The following CDH3 variants were observed in gnomAD, a reference collection of about 807,000 sequenced individuals.
CDH3 encodes cadherin 3, also known as cadherin-3.
A neutral mutation model predicts 82.0 loss-of-function variants in CDH3; 54 were observed. The ratio of observed to expected loss-of-function variants is 0.66; its 90% CI spans 0.53 to 0.83. The LOEUF (loss-of-function observed/expected upper bound fraction) is 0.83. Ranked by LOEUF, CDH3 falls within the 40% of genes least tolerant of loss-of-function variation. The probability of loss-of-function intolerance (pLI) is 0.00; values close to 1 mark genes in which losing one functional copy is unlikely to be tolerated. For missense variants in CDH3, 1,054 were observed against 1,084.6 expected (o/e 0.97, Z 0.40); for synonymous variants, 446 against 437.9 (o/e 1.02, Z -0.23).
intron 9 of CDH3, among the ~76,000 whole-genome samples, chr16:68,683,147 C>A (rs992139257): frequency 2.0e-5 from 3 of 152,048 alleles, no homozygotes; most frequent in Non-Finnish European, 4.4e-5. Context: ...TCCTGGTTTA[C>A]TATGAAGAAT....
In CDH3 at chr16:68,678,306, T is replaced by C. The variant is rs145621446; in HGVS notation, c.390+29T>C. ...CGACTGTGCCTTCTCCTGGGAAGCA[T>C]TGGTGGCTCCAGGGACCCCCATCCA... is the stretch of plus-strand genomic sequence containing the variant. On this transcript the variant is annotated intron_variant, in intron 4 of 15. Transcript: ENST00000264012. The C allele has an allele frequency of 5.5e-4, 880 of 1,613,276 alleles. 8 individuals carry two copies. The East Asian group carries it at 0.019, about 34-fold the overall frequency.
At chr16:68,725,373 G>A (rs952996497) in intron 2 of CDH3, among the ~76,000 whole-genome samples, 18 of 151,512 alleles carry the variant, frequency 1.2e-4, no homozygotes, top group South Asian at 2.1e-4. Context: ...TCACTCTGTC[G>A]CCCAGGCTGG....
downstream of CDH3, among the ~76,000 whole-genome samples, chr16:68,731,491 CATATATATATACACACACACATAT>C (rs1567468025): frequency 6.5e-3 from 228 of 35,198 alleles, 5 homozygotes; most frequent in African/African-American, 0.019. Context: ...CGTATATACA[CATATATATATACACACACACATAT>C]ACACACACAC....
intron 12 of CDH3, among the ~76,000 whole-genome samples, 180 bp downstream of exon 12, chr16:68,687,916 C>A (rs1220885812): frequency 1.3e-5 from 2 of 151,464 alleles, no homozygotes; most frequent in Admixed American, 6.6e-5. Flanking sequence ...TGAAATTCCA[C>A]AGGACCCCTA....
chr16:68,646,275 C>T (rs1055092480), intron 2 of CDH3: 1 of 158,076 alleles, frequency 6.3e-6, no homozygotes, highest in Non-Finnish European at 1.4e-5. Context: ...TAACCCTGCT[C>T]TTCCCGGAGG....
chr16:68,710,504 A>G (rs1420302100), intron 1 of CDH3, among the ~76,000 whole-genome samples: 1 of 152,162 alleles, frequency 6.6e-6, no homozygotes, highest in African/African-American at 2.4e-5. Context: ...ACCCCCTACA[A>G]TGCACAGGAC....
intron 2 of CDH3, chr16:68,651,842 G>A (rs1046682999): frequency 2.0e-5 from 10 of 493,644 alleles, no homozygotes; most frequent in Non-Finnish European, 2.5e-5. Flanking sequence ...TGAGTCCCTC[G>A]ATCCAGCTGT....
intron 9 of CDH3, 27 bp from the exon 10 acceptor site, chr16:68,684,556 C>T: frequency 6.2e-7 from 1 of 1,613,936 alleles, no homozygotes; most frequent in South Asian, 1.1e-5. Context: ...AATGGTGGTC[C>T]AGGTCCTTCT....
At chr16:68,719,270 A>G (rs1476974931) in intron 1 of CDH3, among the ~76,000 whole-genome samples, 2 of 150,656 alleles carry the variant, frequency 1.3e-5, no homozygotes, top group Non-Finnish European at 3.0e-5. Flanking sequence ...AAAAAAAGAT[A>G]AAAAACGAAC....
intron 12 of CDH3, 32 bp from the exon 13 acceptor site, chr16:68,691,688 C>A: frequency 6.4e-7 from 1 of 1,565,118 alleles, no homozygotes; most frequent in Non-Finnish European, 8.8e-7. Context: ...ACTGATGGTT[C>A]CCACAGCTAA....
In CDH3 at chr16:68,695,429, AG is replaced by A. The variant is rs199867356; in HGVS notation, c.2133+46del. 5.5e-4 allele frequency: 871 copies of A among 1,574,042 alleles called. 15 individuals carry two copies. In the East Asian group the frequency reaches 0.016, roughly 29 times the overall value. On this transcript the variant is annotated intron_variant, in intron 14 of 15. Coordinates refer to ENST00000264012, the MANE Select transcript of CDH3 (RefSeq NM_001793.6). ...TGGGATTGGGAGGTGGATGCCCCTA[AG>A]GCCACTGGCAGGGCTGTTGGGTCAA...
intron 2 of CDH3, chr16:68,651,307 C>T (rs548458670): frequency 3.6e-6 from 2 of 550,292 alleles, no homozygotes; most frequent in Non-Finnish European, 7.4e-6. Context: ...GCCCATGTGG[C>T]TGGCGCACTT....
At chr16:68,655,983 G>A (rs1387925620) in intron 2 of CDH3, among the ~76,000 whole-genome samples, 2 of 152,212 alleles carry the variant, frequency 1.3e-5, no homozygotes, top group Non-Finnish European at 2.9e-5. Context: ...TGGCAGCCAA[G>A]GAAGAAGAAT....
intron 2 of CDH3, among the ~76,000 whole-genome samples, chr16:68,662,084 T>C (rs546442170): frequency 6.6e-6 from 1 of 152,326 alleles, no homozygotes; most frequent in South Asian, 2.1e-4. Context: ...GAATCTGATC[T>C]AGTTTGGGAG....
chr16:68,711,076 C>T (rs1962023803), intron 1 of CDH3, among the ~76,000 whole-genome samples: 1 of 150,736 alleles, frequency 6.6e-6, no homozygotes, highest in African/African-American at 2.4e-5. Context: ...TTTGGGAGGC[C>T]AAGGTGGACG....
In CDH3 at chr16:68,725,203, A is replaced by C. The variant is rs1361270186; in HGVS notation, c.*46-1950A>C. ...CCAGGGGGCTTAACTCACTCCACTT[A>C]AGTTGGAGGGGCCTGCTGCCCATGG... is the stretch of plus-strand genomic sequence containing the variant. On this transcript the variant is annotated intron_variant, in intron 2 of 2. Coordinates refer to the CDH3 transcript ENST00000569080. Among the ~76,000 whole-genome samples the C allele has an allele frequency of 2.0e-5, 3 of 152,090 alleles. No individual in the cohort carries two copies. In the East Asian group the frequency reaches 5.8e-4, roughly 29 times the overall value.
At chr16:68,685,651 C>G (rs1478216114) in intron 11 of CDH3, among the ~76,000 whole-genome samples, 1 of 151,490 alleles carries the variant, frequency 6.6e-6, no homozygotes, top group Non-Finnish European at 1.5e-5. Flanking sequence ...ACTAAATATA[C>G]AAAAAATTAG....
At chr16:68,657,371 G>A (rs944498807) in intron 2 of CDH3, among the ~76,000 whole-genome samples, 14 of 152,070 alleles carry the variant, frequency 9.2e-5, no homozygotes, top group East Asian at 5.8e-4. Context: ...AAAATTAGCC[G>A]GGCATGGTGG....
Position 68,695,308 on chromosome 16 carries a change from C to T in CDH3, c.2056C>T (p.Pro686Ser). Residue 686 changes from proline to serine, a missense_variant, in exon 14 of 16, where the codon CCC becomes TCC. By Grantham distance (74) the Pro-to-Ser change is moderately conservative. Coordinates refer to ENST00000264012, the MANE Select transcript of CDH3 (RefSeq NM_001793.6). ...LVRKKRKIKE[P>S]LLLPEDDTRD... is the part of the protein sequence containing the mutation. The stretch of plus-strand genomic sequence containing the variant: ...GAGAAAGAAGCGGAAGATCAAGGAG[C>T]CCCTCCTACTCCCAGAAGATGACAC... 6.2e-7 allele frequency: 1 copy of T among 1,614,092 alleles called. No homozygotes were observed. Among genetic ancestry groups the T allele is most frequent in the Non-Finnish European group, 8.5e-7 (1 of 1,179,996 alleles).
Sources: gnomAD v4.1 joint callset for allele counts (sites outside exome capture counted in the v4.1 genomes callset) on GRCh38, gnomAD v4.1.1 for gene constraint, MANE v1.5 for transcripts, NCBI Gene and HGNC (gene_info 2026-07-23, HGNC 2026-07-21) for gene names.